Variants in PAQR5 observed in about 807,000 individuals in gnomAD.
PAQR5 encodes membrane progestin receptor gamma.
Under a neutral mutation model 34.5 loss-of-function variants are expected in PAQR5, and 20 were observed. That is an observed-to-expected ratio of 0.58 (90% CI 0.41 to 0.84). The LOEUF (loss-of-function observed/expected upper bound fraction) is 0.84. Among genes scored for constraint, PAQR5 ranks in the 40% least tolerant of loss-of-function variants. The probability of loss-of-function intolerance (pLI) is 0.00; values close to 1 mark genes in which losing one functional copy is unlikely to be tolerated. For missense variants in PAQR5, 378 were observed against 412.7 expected (o/e 0.92, Z 0.73); for synonymous variants, 131 against 155.6 (o/e 0.84, Z 1.18).
rs570375277 is a variant in PAQR5, at chr15:69,372,333, C to T, written c.52-7550C>T. ...CCAACACAGGTGGATCACTTGAGGTCAGGAGTTCAAGACCAGCCTGGCCAA... is the reference window on the plus strand; with the variant it reads ...CCAACACAGGTGGATCACTTGAGGTTAGGAGTTCAAGACCAGCCTGGCCAA... On this transcript the variant is annotated intron_variant, in intron 3 of 8. Coordinates refer to ENST00000395407, the MANE Select transcript of PAQR5 (RefSeq NM_017705.4). 5.3e-5 allele frequency among the ~76,000 whole-genome samples: 8 copies of T among 151,650 alleles called. No homozygotes were observed. In the South Asian group the frequency reaches 8.4e-4, roughly 16 times the overall value.
chr15:69,356,664 T>A (rs1221069554), intron 2 of PAQR5, among the ~76,000 whole-genome samples: 1 of 152,150 alleles, frequency 6.6e-6, no homozygotes, highest in African/African-American at 2.4e-5. Context: ...AAGCCCCTGG[T>A]AACCACTATC....
chr15:69,387,374 C>G (rs2056141521), intron 5 of PAQR5, among the ~76,000 whole-genome samples: 1 of 152,262 alleles, frequency 6.6e-6, no homozygotes, highest in Non-Finnish European at 1.5e-5. Context: ...CCTGATTCCA[C>G]CACCCCTAAC....
At chr15:69,339,758 C>T (rs1032129046) in intron 2 of PAQR5, among the ~76,000 whole-genome samples, 2 of 152,096 alleles carry the variant, frequency 1.3e-5, no homozygotes, top group African/African-American at 2.4e-5. Context: ...CAGGCATGAG[C>T]CATTGAGCCC....
chr15:69,357,332 C>T (rs775458485), intron 2 of PAQR5, among the ~76,000 whole-genome samples: 4 of 151,892 alleles, frequency 2.6e-5, no homozygotes, highest in African/African-American at 4.8e-5. Flanking sequence ...GGTATGATCT[C>T]GGCTCACTGC....
intron 1 of PAQR5, among the ~76,000 whole-genome samples, chr15:69,316,242 G>T (rs1281371289): frequency 6.6e-6 from 1 of 152,086 alleles, no homozygotes; most frequent in Non-Finnish European, 1.5e-5. Context: ...CACCACACCC[G>T]GCTAGTTTTT....
chr15:69,397,175 G>T (rs2056463234), intron 6 of PAQR5: 2 of 551,178 alleles, frequency 3.6e-6, no homozygotes, highest in East Asian at 8.8e-5. Flanking sequence ...ACATAACTTG[G>T]CCCTTGAAGG....
intron 1 of PAQR5, among the ~76,000 whole-genome samples, chr15:69,328,284 G>A (rs550181827): frequency 6.6e-6 from 1 of 152,334 alleles, no homozygotes; most frequent in Admixed American, 6.5e-5. Flanking sequence ...TAATCTTCAT[G>A]CAGTTTATAA....
rs763103968 is a variant in PAQR5, at chr15:69,384,926, C to T, written c.385+44C>T. Reference sequence around the variant, plus strand: ...TTGCTTTCCTTCCCCTGCAACCGGGCTGTTTGCCCCTTCTCCTGTGAGCTA... The same window carrying T: ...TTGCTTTCCTTCCCCTGCAACCGGGTTGTTTGCCCCTTCTCCTGTGAGCTA... On this transcript the variant is annotated intron_variant, in intron 5 of 8. Transcript: ENST00000395407. 2.1e-6 allele frequency: 3 copies of T among 1,461,814 alleles called. No individual in the cohort carries two copies. In the East Asian group the frequency reaches 6.9e-5, roughly 33 times the overall value. The allele number at this position is 1,461,814 out of a possible 1,614,324, so 90.6% of individuals were successfully genotyped here. A position where few individuals can be genotyped will look rare whatever the true frequency, so the allele number is the denominator to read the frequency against.
chr15:69,388,289 AG>A (rs2056166983), intron 5 of PAQR5, among the ~76,000 whole-genome samples: 1 of 152,214 alleles, frequency 6.6e-6, no homozygotes, highest in African/African-American at 2.4e-5. Flanking sequence ...AGTGCCTGAA[AG>A]AGGAAGTTTC....
intron 2 of PAQR5, among the ~76,000 whole-genome samples, chr15:69,349,646 T>TA (rs1567013737): frequency 2.6e-5 from 4 of 151,812 alleles, no homozygotes; most frequent in African/African-American, 9.7e-5. Flanking sequence ...TTTTATTTTT[T>TA]TTTTTATTTT....
intron 2 of PAQR5, among the ~76,000 whole-genome samples, chr15:69,341,427 G>A (rs1467349601): frequency 7.1e-6 from 1 of 140,514 alleles, no homozygotes; most frequent in African/African-American, 2.7e-5. Context: ...TGTGATCACA[G>A]CTCACTGTGG....
In PAQR5 at chr15:69,400,109, T is replaced by C. The variant is rs1439139819; in HGVS notation, c.745T>C (p.Tyr249His). The change falls in exon 8 of 9, where the codon TAC (tyrosine) becomes CAC (histidine). Residue 249 changes from tyrosine to histidine, a missense_variant. Physicochemically the swap from Tyr to His is moderately conservative, Grantham distance 83 (BLOSUM62 2). Coordinates refer to ENST00000395407, the MANE Select transcript of PAQR5 (RefSeq NM_017705.4). ...ACGCCTAGCCCCTGGACGCTTTGAC[T>C]ACATCGGTGAGTGGGCAACAGCCCT... ...PERLAPGRFD[Y>H]IGHSHQLFHV... 6.2e-7 allele frequency: 1 copy of C among 1,612,488 alleles called. No homozygotes were observed. The highest frequency in any genetic ancestry group is 1.7e-5 in the Admixed American group (1 of 59,792).
intron 1 of PAQR5, among the ~76,000 whole-genome samples, chr15:69,315,668 C>T (rs983503227): frequency 6.6e-6 from 1 of 152,232 alleles, no homozygotes; most frequent in East Asian, 1.9e-4. Flanking sequence ...CCCAGGGACA[C>T]GAGTTTGGGA....
At position 69,385,945 on chromosome 15, in the gene PAQR5, T is replaced by C. The variant is rs1393801628; in HGVS notation, c.385+1063T>C. On this transcript the variant is annotated intron_variant, in intron 5 of 8. Coordinates refer to ENST00000395407, the MANE Select transcript of PAQR5 (RefSeq NM_017705.4). This position sits in a 1 kb window ranked among gnomAD's most constrained non-coding sequence, Gnocchi z 4.7. ...ACACACTCACACCACATACACACAATACACTCACATGCACACTCTCAAACA... is the reference window on the plus strand; with the variant it reads ...ACACACTCACACCACATACACACAACACACTCACATGCACACTCTCAAACA... 1.5e-5 allele frequency among the ~76,000 whole-genome samples: 2 copies of C among 136,124 alleles called. No individual in the cohort carries two copies. Among genetic ancestry groups the C allele is most frequent in the Admixed American group, 7.4e-5 (1 of 13,590 alleles). 89.3% of individuals were successfully genotyped at this position (136,124 alleles called of 152,430 possible).
intron 6 of PAQR5, among the ~76,000 whole-genome samples, chr15:69,394,691 G>A (rs1330326479): frequency 6.6e-6 from 1 of 152,186 alleles, no homozygotes; most frequent in Non-Finnish European, 1.5e-5. Flanking sequence ...CTCTGGTGCG[G>A]GACTGCCCTA....
At position 69,405,100 on chromosome 15, in the gene PAQR5, G is replaced by A. The variant is rs1239400318; in HGVS notation, c.*1278G>A. On this transcript the variant is annotated 3_prime_UTR_variant, in exon 9 of 9. Transcript: ENST00000395407. ...ACTCTGAATAGTTCTAAAACACTGA[G>A]CATTTTCTCATTTGTTGCATTACTG... 7.5e-6 allele frequency: 3 copies of A among 398,132 alleles called. No individual in the cohort carries two copies. The highest frequency in any genetic ancestry group is 4.4e-5 in the Admixed American group (1 of 22,708). 24.7% of individuals were successfully genotyped at this position (398,132 alleles called of 1,614,324 possible).
chr15:69,321,803 A>G (rs1206945975), intron 1 of PAQR5, among the ~76,000 whole-genome samples: 1 of 152,130 alleles, frequency 6.6e-6, no homozygotes, highest in Non-Finnish European at 1.5e-5. Context: ...GGCTCAGCAA[A>G]CATTCATTCA....
intron 1 of PAQR5, among the ~76,000 whole-genome samples, chr15:69,300,863 TTCTTTCTTTC>T (rs2053564643): frequency 1.7e-4 from 4 of 23,484 alleles, no homozygotes; most frequent in African/African-American, 4.4e-4. Context: ...CTTTCTTTCT[TTCTTTCTTTC>T]TTTCTTTCTT....
chr15:69,376,812 AT>A (rs2140905859), intron 3 of PAQR5, among the ~76,000 whole-genome samples: 1 of 152,074 alleles, frequency 6.6e-6, no homozygotes, highest in African/African-American at 2.4e-5. Context: ...CAATGTATGG[AT>A]TTCCCTTCTG....
Sources: allele counts gnomAD v4.1 joint callset (sites outside exome capture counted in the v4.1 genomes callset), GRCh38; gene constraint gnomAD v4.1.1; non-coding constraint Gnocchi (gnomAD v3.1); transcripts MANE v1.5; gene names NCBI Gene and HGNC (gene_info 2026-07-23, HGNC 2026-07-21).